Variants in DTWD2 observed in about 807,000 individuals in gnomAD.
DTWD2 encodes DTW motif tRNA-uridine aminocarboxypropyltransferase 2.
DTWD2 carries 39 observed loss-of-function variants against 31.8 expected under a neutral mutation model. The ratio of observed to expected loss-of-function variants is 1.22; its 90% CI spans 0.95 to 1.60. The LOEUF (loss-of-function observed/expected upper bound fraction) is 1.60, where lower values mean the gene tolerates loss of function less well. Ranked by LOEUF, DTWD2 falls within the 40% of genes most tolerant of loss-of-function variation. The pLI is 0.00. For missense variants in DTWD2, 515 were observed against 381.5 expected (o/e 1.35, Z -2.92); for synonymous variants, 180 against 142.8 (o/e 1.26, Z -1.86).
rs150944442 is a variant in DTWD2 at position 118,870,436 on chromosome 5, G to A, written c.598-22218C>T. The stretch of plus-strand genomic sequence containing the variant: ...CCAGCATTCCTCAGAGATATAGCAG[G>A]TTTAAGTTCCAGACAATGGCAATGA... On this transcript the variant is annotated intron_variant, in intron 4 of 5. Transcript: ENST00000510708. Among the ~76,000 whole-genome samples, 115 of 152,262 alleles carry A rather than the reference G, an allele frequency of 7.6e-4. 1 individual carries two copies. The highest frequency in any genetic ancestry group is 2.8e-3 in the African/African-American group (115 of 41,550).
chr5:118,852,683 C>A (rs913801695), intron 4 of DTWD2, among the ~76,000 whole-genome samples: 1 of 151,490 alleles, frequency 6.6e-6, no homozygotes, highest in Admixed American at 6.6e-5. Flanking sequence ...AAATTAAAAC[C>A]GAACTATCAA....
intron 4 of DTWD2, among the ~76,000 whole-genome samples, chr5:118,893,796 G>A (rs1019224172): frequency 1.3e-5 from 2 of 152,104 alleles, no homozygotes; most frequent in African/African-American, 2.4e-5. Flanking sequence ...AGCACAGATA[G>A]CCTCTAGAAT....
chr5:118,920,962 G>A (rs893138400), intron 4 of DTWD2, among the ~76,000 whole-genome samples: 3 of 152,066 alleles, frequency 2.0e-5, no homozygotes, highest in African/African-American at 4.8e-5. Flanking sequence ...ATGGAAGTAG[G>A]GAGGCAGAGA....
At chr5:118,841,122 G>A (rs753168826) in intron 5 of DTWD2, 35 bp from the exon 6 acceptor site, 15 of 1,571,786 alleles carry the variant, frequency 9.5e-6, no homozygotes, top group South Asian at 5.8e-5. Flanking sequence ...AAAAGTATCT[G>A]TGACAAATCA....
chr5:118,850,211 C>T (rs1030115356), intron 4 of DTWD2, among the ~76,000 whole-genome samples: 2 of 150,584 alleles, frequency 1.3e-5, no homozygotes, highest in African/African-American at 4.9e-5. Context: ...CACCTGTAAT[C>T]CCAGCACTTT....
Position 118,841,132 on chromosome 5 carries a change from A to G in DTWD2, c.727-45T>C, listed in dbSNP as rs73236917. 2,139 of 1,555,516 alleles carry G rather than the reference A, an allele frequency of 1.4e-3. 31 individuals are homozygous for G. The African/African-American group carries it at 0.026, about 19-fold the overall frequency. The stretch of plus-strand genomic sequence containing the variant: ...ACTAAAAAAGTATCTGTGACAAATC[A>G]TGATATTCTATCTATATTTTTCATT... On this transcript the variant is annotated intron_variant, in intron 5 of 5. Transcript: ENST00000510708.
intron 4 of DTWD2, among the ~76,000 whole-genome samples, chr5:118,868,096 C>G (rs1357405526): frequency 6.6e-6 from 1 of 151,702 alleles, no homozygotes; most frequent in Non-Finnish European, 1.5e-5. Flanking sequence ...TTAAAGAGCC[C>G]AAAAATAAAT....
chr5:118,893,231 A>G (rs1753012092), intron 4 of DTWD2, among the ~76,000 whole-genome samples: 1 of 151,564 alleles, frequency 6.6e-6, no homozygotes, highest in African/African-American at 2.4e-5. Flanking sequence ...AAAAATTAGT[A>G]TGCTCCTGTG....
At chr5:118,902,112 T>C (rs1204939831) in intron 4 of DTWD2, among the ~76,000 whole-genome samples, 3 of 152,180 alleles carry the variant, frequency 2.0e-5, no homozygotes, top group African/African-American at 7.2e-5. Context: ...CACATATCAC[T>C]ATATCTAGTG....
intron 1 of DTWD2, among the ~76,000 whole-genome samples, chr5:118,979,917 G>C (rs768632031): frequency 4.6e-5 from 7 of 152,166 alleles, no homozygotes; most frequent in Middle Eastern, 3.2e-3. Flanking sequence ...CTAGGGGATG[G>C]GTTGATCTGT....
chr5:118,860,426 T>C (rs755297412), intron 4 of DTWD2, among the ~76,000 whole-genome samples: 15 of 152,004 alleles, frequency 9.9e-5, no homozygotes, highest in African/African-American at 3.6e-4. Flanking sequence ...AGCTATACCA[T>C]AGTTTATTCA....
chr5:118,884,356 G>A (rs1367680593), intron 4 of DTWD2, among the ~76,000 whole-genome samples: 1 of 152,136 alleles, frequency 6.6e-6, no homozygotes, highest in Non-Finnish European at 1.5e-5. Flanking sequence ...TGTTAAGTTT[G>A]TAATATACTA....
intron 4 of DTWD2, among the ~76,000 whole-genome samples, chr5:118,869,931 T>C (rs985148640): frequency 2.0e-5 from 3 of 152,092 alleles, no homozygotes; most frequent in Non-Finnish European, 4.4e-5. Flanking sequence ...AACCATCCCC[T>C]TGATGATGTG....
intron 1 of DTWD2, among the ~76,000 whole-genome samples, chr5:118,978,363 A>G (rs1755214277): frequency 6.6e-6 from 1 of 152,192 alleles, no homozygotes; most frequent in Admixed American, 6.5e-5. Context: ...CAACAAAAGC[A>G]AAAATTGATA....
intron 1 of DTWD2, among the ~76,000 whole-genome samples, chr5:118,975,842 A>G (rs575036376): frequency 4.6e-5 from 7 of 152,288 alleles, no homozygotes; most frequent in African/African-American, 1.4e-4. Flanking sequence ...GACCAAGTAG[A>G]CCTAATAGAC....
intron 4 of DTWD2, among the ~76,000 whole-genome samples, chr5:118,869,706 TG>T (rs1561434123): frequency 6.6e-6 from 1 of 152,230 alleles, no homozygotes; most frequent in African/African-American, 2.4e-5. Flanking sequence ...TACTCCAATA[TG>T]TTAACATAGC....
intron 4 of DTWD2, among the ~76,000 whole-genome samples, chr5:118,883,852 C>T (rs1752797081): frequency 6.6e-6 from 1 of 152,198 alleles, no homozygotes; most frequent in Admixed American, 6.5e-5. Flanking sequence ...ATTTCAAAAT[C>T]TTTTTACAGG....
chr5:118,861,498 A>G (rs1283730582), intron 4 of DTWD2, among the ~76,000 whole-genome samples: 1 of 152,340 alleles, frequency 6.6e-6, no homozygotes, highest in East Asian at 1.9e-4. Context: ...TTCTACTGCA[A>G]TAGCTGCCCT....
intron 1 of DTWD2, among the ~76,000 whole-genome samples, chr5:118,979,042 C>A (rs1376008511): frequency 6.6e-6 from 1 of 152,004 alleles, no homozygotes; most frequent in African/African-American, 2.4e-5. Flanking sequence ...CGGTGGCTCA[C>A]GCCTATAATC....
Sources: gnomAD v4.1 joint callset for allele counts (sites outside exome capture counted in the v4.1 genomes callset) on GRCh38, gnomAD v4.1.1 for gene constraint, MANE v1.5 for transcripts, NCBI Gene and HGNC (gene_info 2026-07-23, HGNC 2026-07-21) for gene names.